Variants in KLF12 observed in about 807,000 individuals in gnomAD.
KLF12 encodes Krueppel-like factor 12.
KLF12 carries 9 observed loss-of-function variants against 37.8 expected under a neutral mutation model. The ratio of observed to expected loss-of-function variants is 0.24; its 90% CI spans 0.14 to 0.42. The LOEUF (loss-of-function observed/expected upper bound fraction) is 0.42. Ranked by LOEUF, KLF12 falls within the 10% of genes least tolerant of loss-of-function variation. The pLI is 1.00. For missense variants in KLF12, 411 were observed against 516.0 expected, an observed-to-expected ratio of 0.80 and a Z score of 1.97; for synonymous variants, 208 against 202.1, an observed-to-expected ratio of 1.03 and a Z score of -0.25.
chr13:73,725,911 C>T (rs939011981), intron 6 of KLF12, among the ~76,000 whole-genome samples: 1 of 151,182 alleles, frequency 6.6e-6, no homozygotes, highest in African/African-American at 2.4e-5. Flanking sequence ...TCTTGTTACC[C>T]AGGCTGGAGT....
At chr13:74,093,825 G>C (rs1165087259) in intron 1 of KLF12, among the ~76,000 whole-genome samples, 1 of 151,806 alleles carries the variant, frequency 6.6e-6, no homozygotes, top group Non-Finnish European at 1.5e-5. Context: ...TAATGTAAAT[G>C]AGCATTACTT....
At chr13:74,093,818 T>C (rs1875817132) in intron 1 of KLF12, among the ~76,000 whole-genome samples, 1 of 152,004 alleles carries the variant, frequency 6.6e-6, no homozygotes, top group Non-Finnish European at 1.5e-5. Context: ...TATAAACTAA[T>C]GTAAATGAGC....
At chr13:73,917,449 T>C (rs1466497281) in intron 3 of KLF12, among the ~76,000 whole-genome samples, 4 of 152,214 alleles carry the variant, frequency 2.6e-5, no homozygotes, top group Non-Finnish European at 5.9e-5. Flanking sequence ...TTTAAATACC[T>C]ATGTTTTTGT....
intron 2 of KLF12, among the ~76,000 whole-genome samples, chr13:73,984,319 C>T (rs939124382): frequency 2.6e-5 from 4 of 152,194 alleles, no homozygotes; most frequent in African/African-American, 7.2e-5. Context: ...AGGTGCAGCT[C>T]ACACACACTG....
the KLF12 span, among the ~76,000 whole-genome samples, chr13:74,287,245 C>T: frequency 1.3e-5 from 2 of 151,992 alleles, no homozygotes; most frequent in Non-Finnish European, 2.9e-5. Flanking sequence ...ATGCAGGTGA[C>T]CTCTGTCGGC....
At chr13:74,282,822 A>G in the KLF12 span, among the ~76,000 whole-genome samples, 1 of 152,164 alleles carries the variant, frequency 6.6e-6, no homozygotes, top group Non-Finnish European at 1.5e-5. Flanking sequence ...CGTGTGACTT[A>G]GGGCAAGGCA....
the KLF12 span, among the ~76,000 whole-genome samples, chr13:74,142,572 A>G: frequency 6.6e-6 from 1 of 152,164 alleles, no homozygotes; most frequent in Admixed American, 6.5e-5. Context: ...AAGCTCTACA[A>G]GGCTTGACAA....
the KLF12 span, among the ~76,000 whole-genome samples, chr13:74,166,729 C>T: frequency 6.6e-6 from 1 of 152,176 alleles, no homozygotes; most frequent in Non-Finnish European, 1.5e-5. Context: ...TCAACCTCTA[C>T]TTGTTCTAAT....
intron 2 of KLF12, among the ~76,000 whole-genome samples, chr13:73,980,562 G>C (rs1399569930): frequency 6.6e-6 from 1 of 151,918 alleles, no homozygotes; most frequent in Non-Finnish European, 1.5e-5. Context: ...AAAATAAAAA[G>C]TAAAAATCTA....
the KLF12 span, among the ~76,000 whole-genome samples, chr13:74,244,765 T>C: frequency 5.9e-5 from 9 of 152,352 alleles, no homozygotes; most frequent in East Asian, 9.6e-4. Context: ...GGACAATTTT[T>C]CAACTTATTG....
the KLF12 span, among the ~76,000 whole-genome samples, chr13:74,278,379 G>T: frequency 2.0e-5 from 3 of 152,154 alleles, no homozygotes; most frequent in Non-Finnish European, 4.4e-5. Context: ...ACTGTCATGT[G>T]TTCATCACCG....
intron 2 of KLF12, among the ~76,000 whole-genome samples, chr13:73,990,824 T>C (rs1891948969): frequency 6.6e-6 from 1 of 152,154 alleles, no homozygotes; most frequent in South Asian, 2.1e-4. Flanking sequence ...CTAAAAAATA[T>C]TCTTTGTAAG....
chr13:74,020,641 A>C (rs113256413), intron 1 of KLF12, among the ~76,000 whole-genome samples: 7,576 of 152,212 alleles, frequency 0.05, 290 homozygotes, highest in African/African-American at 0.1. Context: ...CTGTAATCCC[A>C]GCACTTTGGG....
chr13:73,953,190 AT>A (rs1391126800), intron 2 of KLF12, among the ~76,000 whole-genome samples: 1 of 152,156 alleles, frequency 6.6e-6, no homozygotes, highest in Non-Finnish European at 1.5e-5. Context: ...ATTTCAATAT[AT>A]TTTGCTTACC....
chr13:73,985,244 C>A (rs1019810043), intron 2 of KLF12, among the ~76,000 whole-genome samples: 1 of 152,208 alleles, frequency 6.6e-6, no homozygotes, highest in Admixed American at 6.5e-5. Context: ...CAAGTAGCCA[C>A]TTCAAGAGCA....
intron 3 of KLF12, among the ~76,000 whole-genome samples, chr13:73,860,138 G>A (rs12428291): frequency 0.055 from 8,418 of 152,134 alleles, 465 homozygotes; most frequent in African/African-American, 0.14. Flanking sequence ...TCTCTCTTCA[G>A]TTTCTGATTG....
the KLF12 span, among the ~76,000 whole-genome samples, chr13:74,216,606 A>T: frequency 1.3e-5 from 2 of 152,204 alleles, no homozygotes; most frequent in African/African-American, 2.4e-5. Flanking sequence ...AGTTTACATC[A>T]GGAGACATAA....
chr13:73,980,599 C>T (rs1174532425), intron 2 of KLF12, among the ~76,000 whole-genome samples: 1 of 152,124 alleles, frequency 6.6e-6, no homozygotes, highest in Non-Finnish European at 1.5e-5. Flanking sequence ...AATTTCTATA[C>T]ATTTAATCAA....
At chr13:74,283,224 A>C in the KLF12 span, among the ~76,000 whole-genome samples, 1 of 152,278 alleles carries the variant, frequency 6.6e-6, no homozygotes, top group South Asian at 2.1e-4. Context: ...AAAAATTCAG[A>C]CTATATTGTT....
Sources: gnomAD v4.1 joint callset for allele counts (sites outside exome capture counted in the v4.1 genomes callset) on GRCh38, gnomAD v4.1.1 for gene constraint, MANE v1.5 for transcripts, NCBI Gene and HGNC (gene_info 2026-07-23, HGNC 2026-07-21) for gene names.